The following RGL4 variants were observed in gnomAD, a reference collection of about 807,000 sequenced individuals.
RGL4 encodes ral guanine nucleotide dissociation stimulator like 4, also known as ral-GDS-related protein.
RGL4 carries 41 observed loss-of-function variants against 49.6 expected under a neutral mutation model. The observed-to-expected ratio is 0.83, with a 90% CI of 0.64 to 1.07. RGL4 has a LOEUF of 1.07. RGL4 is among the 50% of genes least tolerant of loss of function. The probability of loss-of-function intolerance (pLI) is 0.00; values close to 1 mark genes in which losing one functional copy is unlikely to be tolerated. For missense variants in RGL4, 610 were observed against 591.9 expected (o/e 1.03, Z -0.32); for synonymous variants, 255 against 238.0 (o/e 1.07, Z -0.66).
Position 23,698,201 on chromosome 22 carries a change from T to C in RGL4, c.1261-11T>C, listed in dbSNP as rs557741358. 4 of 1,595,400 alleles carry C rather than the reference T, an allele frequency of 2.5e-6. No individual in the cohort carries two copies. The Admixed American group carries it at 6.7e-5, about 27-fold the overall frequency. Reference sequence around the variant, plus strand: ...CCCAGGCCCTGTCAGCATCCTGTCCTCTGTCTCTAGGAGGTCCGAGTTCTG... The same window carrying C: ...CCCAGGCCCTGTCAGCATCCTGTCCCCTGTCTCTAGGAGGTCCGAGTTCTG... On this transcript the variant is annotated splice_polypyrimidine_tract_variant and intron_variant, in intron 9 of 10. Transcript: ENST00000290691.
chr22:23,693,665 C>T (rs1009062278), intron 3 of RGL4, 94 bp from the exon 4 acceptor site: 16 of 999,508 alleles, frequency 1.6e-5, no homozygotes, highest in African/African-American at 9.6e-5. Flanking sequence ...TGCCAGAGAC[C>T]GTGGATGACT....
chr22:23,696,853 G>A (rs1923537536), intron 7 of RGL4, among the ~76,000 whole-genome samples, 165 bp downstream of exon 7: 2 of 152,322 alleles, frequency 1.3e-5, no homozygotes, highest in South Asian at 4.1e-4. Flanking sequence ...ACCAGAGGAA[G>A]GGTCTGGGAA....
At chr22:23,697,385 G>A (rs1315692273) in intron 8 of RGL4, 140 bp downstream of exon 8, 3 of 668,788 alleles carry the variant, frequency 4.5e-6, no homozygotes, top group African/African-American at 3.6e-5. Flanking sequence ...GTGGGTGGGG[G>A]TGTCAGGCCC....
intron 4 of RGL4, 120 bp downstream of exon 4, chr22:23,694,094 C>A: frequency 6.6e-6 from 6 of 903,026 alleles, no homozygotes; most frequent in South Asian, 6.3e-5. Flanking sequence ...ATCCCCTAGG[C>A]TCTTCTTGCC....
Position 23,698,470 on chromosome 22 carries a change from A to G in RGL4, c.1382+137A>G. On this transcript the variant is annotated intron_variant, in intron 10 of 10. Transcript: ENST00000290691. ...CTGCAACGTCTGCCTTCTGGGCTCA[A>G]GTCCTTCCTCAGCCTCCCAAGCAGC... The G allele has an allele frequency of 2.9e-6, 3 of 1,049,680 alleles. No individual in the cohort carries two copies. In the South Asian group the frequency reaches 4.0e-5, roughly 14 times the overall value. The allele number at this position is 1,049,680 out of a possible 1,614,324, so 65.0% of individuals were successfully genotyped here.
Position 23,697,825 on chromosome 22 carries a change from G to A in RGL4, c.1237-13G>A, listed in dbSNP as rs1923606382. The A allele has an allele frequency of 6.2e-7, 1 of 1,604,018 alleles. No homozygotes were observed. The highest frequency in any genetic ancestry group is 8.5e-7 in the Non-Finnish European group (1 of 1,176,382). ...GCCAGGGGCCTTTCTGATGGACTCT[G>A]TCTGCCTTCCAGGGCAACACCAACA... On this transcript the variant is annotated splice_polypyrimidine_tract_variant and intron_variant, in intron 8 of 10. Transcript: ENST00000290691.
rs1350473449 is a variant in RGL4 at position 23,696,636 on chromosome 22, C to T, written c.1109C>T (p.Thr370Ile). The T allele has an allele frequency of 3.1e-6, 5 of 1,613,796 alleles. No homozygotes were observed. The African/African-American group carries it at 6.7e-5, about 22-fold the overall frequency. The change falls in exon 7 of 11, where the codon ACC becomes ATC. Residue 370 changes from threonine to isoleucine, a missense_variant. By Grantham distance (89) the Thr-to-Ile change is moderately conservative (BLOSUM62 -1). Coordinates refer to ENST00000290691, the MANE Select transcript of RGL4 (RefSeq NM_153615.2). Reference sequence around the variant, plus strand: ...CAGGCGGGGAGCTTTAAGGTGGCCACCCAGGAGAGGAACCCCCAGAGAGTC... The same window carrying T: ...CAGGCGGGGAGCTTTAAGGTGGCCATCCAGGAGAGGAACCCCCAGAGAGTC... ...LIKAGSFKVA[T>I]QERNPQRVQM...
At chr22:23,693,035 T>A (rs1238966709) in intron 3 of RGL4, 44 bp downstream of exon 3, 2 of 1,538,902 alleles carry the variant, frequency 1.3e-6, no homozygotes, top group Non-Finnish European at 1.8e-6. Flanking sequence ...GCACCAGCTG[T>A]CTCAGACCAG....
chr22:23,695,446 TGC>T, intron 6 of RGL4: 2 of 581,952 alleles, frequency 3.4e-6, no homozygotes, highest in Admixed American at 2.4e-5. Context: ...CCTCTGCTGC[TGC>T]TGCTGCTGCT....
In RGL4 at chr22:23,693,905, C is replaced by A. The variant is rs748974266; in HGVS notation, c.843C>A (p.Cys281Ter). The A allele has an allele frequency of 5.6e-6, 9 of 1,613,844 alleles. No individual in the cohort carries two copies. The highest frequency in any genetic ancestry group is 1.6e-4 in the Middle Eastern group (1 of 6,082). Residue 281 changes from cysteine to a stop codon, truncating the protein, a stop_gained, in exon 4 of 11, where the codon TGC becomes TGA. Coordinates refer to ENST00000290691, the MANE Select transcript of RGL4 (RefSeq NM_153615.2). LOFTEE classifies it high-confidence loss of function. ...NRLTNCITTS[C>*]LGDHSMRARD... ...TCACCAACTGCATCACCACCTCCTG[C>A]CTCGGGGACCACAGCATGAGGGCCC... is the stretch of plus-strand genomic sequence containing the variant.
At chr22:23,693,253 T>A (rs947108286) in intron 3 of RGL4, 2 of 601,882 alleles carry the variant, frequency 3.3e-6, no homozygotes, top group Admixed American at 6.6e-5. Context: ...GGGCAGGTGC[T>A]CACTGTGGGG....
chr22:23,696,956 T>G (rs1290170855), intron 7 of RGL4, among the ~76,000 whole-genome samples: 1 of 151,866 alleles, frequency 6.6e-6, no homozygotes, highest in Non-Finnish European at 1.5e-5. Context: ...TAACAAGGAG[T>G]GCTTGCTAGA....
At chr22:23,694,744 T>C in intron 5 of RGL4, 1 of 603,962 alleles carries the variant, frequency 1.7e-6, no homozygotes, top group East Asian at 2.8e-5. Flanking sequence ...AAACACGCAG[T>C]GGCTCATGTG....
chr22:23,693,663 A>C, intron 3 of RGL4, 96 bp from the exon 4 acceptor site: 1 of 976,232 alleles, frequency 1.0e-6, no homozygotes, highest in Non-Finnish European at 1.6e-6. Flanking sequence ...CCTGCCAGAG[A>C]CCGTGGATGA....
At chr22:23,694,908 C>T (rs781245210) in intron 5 of RGL4, 42 bp from the exon 6 acceptor site, 3 of 1,508,032 alleles carry the variant, frequency 2.0e-6, no homozygotes, top group South Asian at 1.1e-5. Flanking sequence ...CAAATCTCCC[C>T]TGATTCCCAA....
chr22:23,694,902 T>C, intron 5 of RGL4, 48 bp from the exon 6 acceptor site: 1 of 1,450,082 alleles, frequency 6.9e-7, no homozygotes, highest in Non-Finnish European at 9.7e-7. Flanking sequence ...AACTCACAAA[T>C]CTCCCCTGAT....
At chr22:23,695,095 C>G (rs1245337907) in intron 6 of RGL4, 76 bp downstream of exon 6, 3 of 1,123,216 alleles carry the variant, frequency 2.7e-6, no homozygotes, top group Admixed American at 3.5e-5. Flanking sequence ...GGGCATTGGA[C>G]CAGGTGTCGA....
In RGL4 at chr22:23,691,976, C is replaced by A; in HGVS notation, c.-55C>A. 3 of 1,582,336 alleles carry A rather than the reference C, an allele frequency of 1.9e-6. No homozygotes were observed. The highest frequency in any genetic ancestry group is 2.6e-6 in the Non-Finnish European group (3 of 1,158,622). The stretch of plus-strand genomic sequence containing the variant: ...GCTCTCCCTGTCCTCCTCCCCCCGA[C>A]ATCTGCCCCTTCCCTCCTAACCCCA... On this transcript the variant is annotated 5_prime_UTR_variant, in exon 1 of 11. Coordinates refer to ENST00000290691, the MANE Select transcript of RGL4 (RefSeq NM_153615.2).
intron 6 of RGL4, 99 bp downstream of exon 6, chr22:23,695,118 T>C: frequency 1.0e-6 from 1 of 959,994 alleles, no homozygotes; most frequent in Admixed American, 2.0e-5. Flanking sequence ...GGTTATTTTG[T>C]TTGGTTTTGA....
Sources: allele counts gnomAD v4.1 joint callset (sites outside exome capture counted in the v4.1 genomes callset), GRCh38; gene constraint gnomAD v4.1.1; transcripts MANE v1.5; gene names NCBI Gene and HGNC (gene_info 2026-07-23, HGNC 2026-07-21).